ASTN2: variants seen among roughly 807,000 people sequenced by gnomAD.
ASTN2 encodes the protein astrotactin 2.
ASTN2 carries 54 observed loss-of-function variants against 139.8 expected under a neutral mutation model. That is an observed-to-expected ratio of 0.39 (90% confidence interval 0.31 to 0.48). The LOEUF (loss-of-function observed/expected upper bound fraction) is 0.48. ASTN2 is among the 20% of genes least tolerant of loss of function. The pLI, the probability that ASTN2 is intolerant of heterozygous loss-of-function variation, is 0.95. For synonymous variants in ASTN2, 756 were observed against 719.5 expected, an observed-to-expected ratio of 1.05 and a Z score of -0.81; for missense variants, 1,565 against 1,725.1, an observed-to-expected ratio of 0.91 and a Z score of 1.64.
chr9:116,483,016 T>C (rs767295382), intron 20 of ASTN2, among the ~76,000 whole-genome samples: 5 of 152,088 alleles, frequency 3.3e-5, no homozygotes, highest in South Asian at 2.1e-4. Flanking sequence ...CCTTGGGTAA[T>C]AGGAAATTGG....
In ASTN2 at chr9:117,334,784, A is replaced by C. The variant is rs7046959; in HGVS notation, c.443-43271T>G. Among the ~76,000 whole-genome samples, 1,466 of 152,244 alleles carry C rather than the reference A, an allele frequency of 9.6e-3. 22 individuals carry two copies. Among genetic ancestry groups the C allele is most frequent in the African/African-American group, 0.034 (1,411 of 41,562 alleles). On this transcript the variant is annotated intron_variant, in intron 1 of 22. Transcript: ENST00000313400. The stretch of plus-strand genomic sequence containing the variant: ...AATAGCAACTTCAGACCAGGCATGG[A>C]GGCTCACGCCTGTAATCCTAGCACT...
intron 1 of ASTN2, among the ~76,000 whole-genome samples, chr9:117,351,647 T>A (rs1252589633): frequency 2.0e-5 from 3 of 152,208 alleles, no homozygotes; most frequent in African/African-American, 7.2e-5. Context: ...AGGTGGCCAA[T>A]CATAACCTTT....
intron 5 of ASTN2, among the ~76,000 whole-genome samples, chr9:117,086,138 C>A (rs1467486786): frequency 6.6e-6 from 1 of 152,142 alleles, no homozygotes; most frequent in Admixed American, 6.5e-5. Flanking sequence ...TCTTGTTGAA[C>A]CCATTTCTAT....
intron 4 of ASTN2, among the ~76,000 whole-genome samples, chr9:117,127,672 G>GTT (rs11427891): frequency 0.023 from 1,662 of 70,870 alleles, 244 homozygotes; most frequent in East Asian, 0.036. Flanking sequence ...TTTTGTTTTG[G>GTT]TTTTTTTTTT....
At chr9:116,710,524 G>A (rs1024013094) in intron 16 of ASTN2, among the ~76,000 whole-genome samples, 2 of 151,738 alleles carry the variant, frequency 1.3e-5, no homozygotes, top group Admixed American at 1.3e-4. Context: ...CTGAGGTCGG[G>A]GGTTTGAGAC....
At chr9:116,820,566 A>T (rs528991607) in intron 12 of ASTN2, 51 bp downstream of exon 12, 1 of 1,578,220 alleles carries the variant, frequency 6.3e-7, no homozygotes, top group Non-Finnish European at 8.6e-7. Flanking sequence ...TTTCCCATGC[A>T]TCCCTCACTT....
chr9:116,514,163 G>A lies in ASTN2; in HGVS notation c.3356-26663C>T, dbSNP rs578094643. 7.3e-5 allele frequency among the ~76,000 whole-genome samples: 11 copies of A among 151,430 alleles called. No homozygotes were observed. In the East Asian group the frequency reaches 9.7e-4, roughly 13 times the overall value. ...ACCTTTGGTCTTTGATGATGGTGAC[G>A]TACAGATGGGGTTTTGGTGTGGATG... On this transcript the variant is annotated intron_variant, in intron 19 of 22. Transcript: ENST00000313400.
chr9:116,762,210 T>C (rs1204379486), intron 13 of ASTN2, among the ~76,000 whole-genome samples: 2 of 152,234 alleles, frequency 1.3e-5, no homozygotes, highest in African/African-American at 4.8e-5. Context: ...TTCATTCTTA[T>C]AGCTGATATT....
At chr9:116,586,640 G>A (rs1179700909) in intron 19 of ASTN2, among the ~76,000 whole-genome samples, 1 of 152,106 alleles carries the variant, frequency 6.6e-6, no homozygotes, top group Non-Finnish European at 1.5e-5. Context: ...GGCACTATAG[G>A]AAGGGGGAGG....
chr9:116,727,993 C>A (rs911701541), intron 15 of ASTN2, among the ~76,000 whole-genome samples: 1 of 152,070 alleles, frequency 6.6e-6, no homozygotes, highest in Non-Finnish European at 1.5e-5. Flanking sequence ...GAAAAGAGAA[C>A]AAAAGACCTC....
chr9:117,248,264 A>G, intron 2 of ASTN2, among the ~76,000 whole-genome samples: 1 of 152,344 alleles, frequency 6.6e-6, no homozygotes, highest in Admixed American at 6.5e-5. Context: ...TATGAAATTC[A>G]AATAGCAAGG....
At chr9:117,012,500 T>G (rs1440378441) in intron 6 of ASTN2, among the ~76,000 whole-genome samples, 1 of 152,210 alleles carries the variant, frequency 6.6e-6, no homozygotes, top group African/African-American at 2.4e-5. Context: ...GAAATGGGCT[T>G]AATCCATTGA....
chr9:117,023,035 G>A (rs1455052648), intron 6 of ASTN2, among the ~76,000 whole-genome samples: 1 of 151,740 alleles, frequency 6.6e-6, no homozygotes, highest in Non-Finnish European at 1.5e-5. Context: ...AATGAGAGGG[G>A]TGGGGTAAAG....
intron 6 of ASTN2, among the ~76,000 whole-genome samples, chr9:117,012,081 T>C (rs770226343): frequency 6.6e-6 from 1 of 152,166 alleles, no homozygotes; most frequent in Non-Finnish European, 1.5e-5. Flanking sequence ...TACTAGGACT[T>C]TAGTGAATGT....
chr9:117,405,931 T>C (rs1830972768), intron 1 of ASTN2, among the ~76,000 whole-genome samples: 1 of 152,200 alleles, frequency 6.6e-6, no homozygotes, highest in Non-Finnish European at 1.5e-5. Context: ...CAGGAGAAGG[T>C]AGCAGCAATG....
At chr9:116,533,802 G>C (rs1179857211) in intron 19 of ASTN2, among the ~76,000 whole-genome samples, 3 of 152,140 alleles carry the variant, frequency 2.0e-5, no homozygotes, top group African/African-American at 7.2e-5. Context: ...TGTTCATCAG[G>C]GATATTGGTC....
At chr9:116,487,599 T>C (rs1237364508) in intron 19 of ASTN2, 99 bp from the exon 20 acceptor site, 8 of 1,182,062 alleles carry the variant, frequency 6.8e-6, no homozygotes, top group Non-Finnish European at 9.2e-6. Context: ...GATACCATTA[T>C]CAAGAAAAAT....
At chr9:116,675,489 G>C (rs1423564281) in intron 16 of ASTN2, among the ~76,000 whole-genome samples, 1 of 152,144 alleles carries the variant, frequency 6.6e-6, no homozygotes, top group Non-Finnish European at 1.5e-5. Context: ...TTCTTGGTTA[G>C]CTCTTTCCAA....
chr9:116,963,552 G>A (rs1309790871), intron 10 of ASTN2, among the ~76,000 whole-genome samples: 2 of 152,216 alleles, frequency 1.3e-5, no homozygotes, highest in East Asian at 3.8e-4. Context: ...GATGTGCACA[G>A]AGTGTGGTGG....
Sources: gnomAD v4.1 joint callset for allele counts (sites outside exome capture counted in the v4.1 genomes callset) on GRCh38, gnomAD v4.1.1 for gene constraint, MANE v1.5 for transcripts, NCBI Gene and HGNC (gene_info 2026-07-23, HGNC 2026-07-21) for gene names.